Variants in SPRY3 observed in about 807,000 individuals in gnomAD.
SPRY3 encodes protein sprouty homolog 3.
SPRY3 carries 15 observed loss-of-function variants against 20.2 expected under a neutral mutation model. That is an observed-to-expected ratio of 0.74 (90% confidence interval 0.50 to 1.14). The LOEUF (loss-of-function observed/expected upper bound fraction) is 1.14, where lower values mean the gene tolerates loss of function less well. Ranked by LOEUF, SPRY3 falls within the 50% of genes most tolerant of loss-of-function variation. The pLI, the probability that SPRY3 is intolerant of heterozygous loss-of-function variation, is 0.00. For missense variants in SPRY3, 364 were observed against 363.9 expected, an observed-to-expected ratio of 1.00 and a Z score of 0.00; for synonymous variants, 143 against 136.5, an observed-to-expected ratio of 1.05 and a Z score of -0.33.
intron 2 of SPRY3, among the ~76,000 whole-genome samples, chrX:155,758,165 A>T (rs186746229): frequency 2.0e-5 from 3 of 152,330 alleles, no homozygotes; most frequent in Non-Finnish European, 4.4e-5. Flanking sequence ...ATATGTATTG[A>T]TAACCTACTA....
chrX:155,732,691 T>C (rs763669567), intron 2 of SPRY3, among the ~76,000 whole-genome samples: 134 of 152,170 alleles, frequency 8.8e-4, no homozygotes, highest in Admixed American at 8.3e-3. Flanking sequence ...TGAAGAGATA[T>C]CTACACTCCC....
chrX:155,736,096 T>C (rs1282690183), intron 2 of SPRY3, among the ~76,000 whole-genome samples: 1 of 151,990 alleles, frequency 6.6e-6, no homozygotes, highest in Non-Finnish European at 1.5e-5. Context: ...TTATAAAAAA[T>C]ATTCCTAGTT....
chrX:155,724,360 A>G (rs1045025562), intron 2 of SPRY3, among the ~76,000 whole-genome samples: 16 of 152,166 alleles, frequency 1.1e-4, no homozygotes, highest in African/African-American at 3.6e-4. Flanking sequence ...CATTGAATCT[A>G]TAAATTACCT....
intron 1 of SPRY3, among the ~76,000 whole-genome samples, chrX:155,647,072 T>A (rs1218563736): frequency 1.8e-5 from 2 of 111,760 alleles, no homozygotes; most frequent in Non-Finnish European, 3.8e-5. Flanking sequence ...TAATCCTTCA[T>A]GCTGTCCACA....
intron 1 of SPRY3, among the ~76,000 whole-genome samples, chrX:155,652,476 T>A (rs1346029230): frequency 2.7e-5 from 3 of 111,620 alleles, no homozygotes; most frequent in African/African-American, 9.8e-5. Context: ...GACTTTTAGA[T>A]CCCACAAATA....
chrX:155,651,475 G>T (rs2067977409), intron 1 of SPRY3, among the ~76,000 whole-genome samples: 1 of 111,431 alleles, frequency 9.0e-6, no homozygotes, highest in South Asian at 3.7e-4. Flanking sequence ...GGCCTTATTT[G>T]CAATTTGCAT....
At chrX:155,736,574 C>G (rs901005483) in intron 2 of SPRY3, among the ~76,000 whole-genome samples, 1 of 151,870 alleles carries the variant, frequency 6.6e-6, no homozygotes, top group African/African-American at 2.4e-5. Flanking sequence ...GTTCTTCTAA[C>G]GATAAGATGT....
chrX:155,722,831 C>T (rs1255805985), intron 2 of SPRY3, among the ~76,000 whole-genome samples: 2 of 56 alleles, frequency 0.036, no homozygotes, highest in South Asian at 0.5. Context: ...ATGTGCACAA[C>T]GTGAGGTTTG....
At chrX:155,638,455 A>T (rs782420306) in intron 1 of SPRY3, among the ~76,000 whole-genome samples, 8 of 102,843 alleles carry the variant, frequency 7.8e-5, no homozygotes, top group Non-Finnish European at 1.4e-4. Context: ...CAGTATCCAT[A>T]TGTGTATGGG....
intron 1 of SPRY3, among the ~76,000 whole-genome samples, chrX:155,653,594 T>A (rs2067983516): frequency 1.8e-5 from 2 of 111,865 alleles, no homozygotes; most frequent in Non-Finnish European, 1.9e-5. Flanking sequence ...TCCATTTCAG[T>A]GATTTATAGA....
intron 1 of SPRY3, among the ~76,000 whole-genome samples, chrX:155,652,460 C>T (rs1179581822): frequency 2.7e-5 from 3 of 110,916 alleles, no homozygotes; most frequent in Admixed American, 9.6e-5. Context: ...TGAATTCAGT[C>T]GTTTTGACTT....
chrX:155,763,151 G>A (rs1415712180), intron 2 of SPRY3, among the ~76,000 whole-genome samples: 1 of 152,078 alleles, frequency 6.6e-6, no homozygotes, highest in Non-Finnish European at 1.5e-5. Flanking sequence ...TTATAAGTGG[G>A]AGCTTAACAT....
rs189537795 is a variant in SPRY3, at chrX:155,621,589, G to C, written c.-441+8942G>C. The stretch of plus-strand genomic sequence containing the variant: ...AAAATGAGTTGGGCTATCATCATAT[G>C]CCAACAGGAAAAAATGTGTCTTCAA... On this transcript the variant is annotated intron_variant, in intron 1 of 3. Transcript: ENST00000675360. 3.6e-5 allele frequency among the ~76,000 whole-genome samples: 4 copies of C among 111,588 alleles called. No individual in the cohort carries two copies. In the East Asian group the frequency reaches 1.1e-3, roughly 31 times the overall value.
At chrX:155,760,976 T>C (rs1208528060) in intron 2 of SPRY3, among the ~76,000 whole-genome samples, 2 of 152,276 alleles carry the variant, frequency 1.3e-5, no homozygotes, top group East Asian at 1.9e-4. Context: ...TAATATTGAA[T>C]GCTTTTAAAC....
At position 155,774,814 on chromosome X, in the gene SPRY3, G is replaced by T. The variant is rs1169496581; in HGVS notation, c.*76G>T. On this transcript the variant is annotated 3_prime_UTR_variant, in exon 4 of 4. Transcript: ENST00000675360. ...AAAGCATAGGCCTCATCTTTGGAGA[G>T]GGGGAGGAGTGATAAACTAGCCAAA... 8 of 1,500,718 alleles carry T rather than the reference G, an allele frequency of 5.3e-6. No homozygotes were observed. The East Asian group carries it at 1.6e-4, about 30-fold the overall frequency. 93.0% of individuals were successfully genotyped at this position (1,500,718 alleles called of 1,614,324 possible).
rs148052836 is a variant in SPRY3, at chrX:155,749,922, A to G, written c.-281-18040A>G. 5.1e-3 allele frequency among the ~76,000 whole-genome samples: 779 copies of G among 151,922 alleles called. 8 individuals carry two copies. Among genetic ancestry groups the G allele is most frequent in the African/African-American group, 0.018 (734 of 41,494 alleles). ...AGTTCAGAGGAGGGATCGAGTCTATAGATATTAATTTGAGAGTTATTTAAA... is the reference window on the plus strand; with the variant it reads ...AGTTCAGAGGAGGGATCGAGTCTATGGATATTAATTTGAGAGTTATTTAAA... On this transcript the variant is annotated intron_variant, in intron 2 of 3. Coordinates refer to ENST00000675360, the Ensembl canonical transcript of SPRY3.
chrX:155,761,437 T>A (rs1235144999), intron 2 of SPRY3, among the ~76,000 whole-genome samples: 1 of 152,232 alleles, frequency 6.6e-6, no homozygotes, highest in Admixed American at 6.5e-5. Flanking sequence ...CTTATTTTCT[T>A]TATCCAGTCT....
At chrX:155,629,085 C>A (rs2067897700) in intron 1 of SPRY3, among the ~76,000 whole-genome samples, 1 of 108,912 alleles carries the variant, frequency 9.2e-6, no homozygotes, top group South Asian at 4.1e-4. Context: ...GTTACATGTG[C>A]TATGTTGGTG....
At chrX:155,665,067 C>T (rs1374459438) in intron 2 of SPRY3, among the ~76,000 whole-genome samples, 2 of 109,657 alleles carry the variant, frequency 1.8e-5, no homozygotes, top group Non-Finnish European at 3.8e-5. Context: ...GACAAATAAC[C>T]AAATCAAAAA....
Sources: gnomAD v4.1 joint callset for allele counts (sites outside exome capture counted in the v4.1 genomes callset) on GRCh38, gnomAD v4.1.1 for gene constraint, MANE v1.5 for transcripts, NCBI Gene and HGNC (gene_info 2026-07-23, HGNC 2026-07-21) for gene names.